The following FANCL variants were observed in gnomAD, a reference collection of about 807,000 sequenced individuals.
FANCL encodes the protein FA complementation group L, also known as E3 ubiquitin-protein ligase FANCL.
Under a neutral mutation model 59.4 loss-of-function variants are expected in FANCL, and 69 were observed. The ratio of observed to expected loss-of-function variants is 1.16; its 90% confidence interval spans 0.96 to 1.42. The LOEUF (loss-of-function observed/expected upper bound fraction) is 1.42. Ranked by LOEUF, FANCL falls within the 40% of genes most tolerant of loss-of-function variation. The pLI, the probability that FANCL is intolerant of heterozygous loss-of-function variation, is 0.00. For synonymous variants in FANCL, 180 were observed against 147.1 expected, an observed-to-expected ratio of 1.22 and a Z score of -1.62; for missense variants, 519 against 447.2, an observed-to-expected ratio of 1.16 and a Z score of -1.45.
At chr2:58,179,127 G>T (rs943689056) in intron 7 of FANCL, among the ~76,000 whole-genome samples, 22 of 152,278 alleles carry the variant, frequency 1.4e-4, no homozygotes, top group South Asian at 4.1e-4. Flanking sequence ...TGGATAGGAA[G>T]AATCAATATC....
At chr2:58,160,235 C>T (rs1684925249) in intron 12 of FANCL, 56 bp from the exon 13 acceptor site, 10 of 1,509,436 alleles carry the variant, frequency 6.6e-6, no homozygotes, top group Middle Eastern at 1.7e-4. Flanking sequence ...ATTACAGATA[C>T]TCCAAATGTC....
intron 4 of FANCL, among the ~76,000 whole-genome samples, chr2:58,225,751 A>G (rs1399338120): frequency 1.3e-5 from 2 of 152,064 alleles, no homozygotes; most frequent in Non-Finnish European, 2.9e-5. Context: ...ATATCTTACA[A>G]GCCAAATCCA....
intron 8 of FANCL, among the ~76,000 whole-genome samples, chr2:58,165,512 T>C (rs776448800): frequency 8.5e-5 from 13 of 152,176 alleles, no homozygotes; most frequent in Non-Finnish European, 1.6e-4. Flanking sequence ...CTCCATTGGA[T>C]CATCACCTTT....
At chr2:58,169,044 T>C (rs1686255363) in intron 7 of FANCL, among the ~76,000 whole-genome samples, 1 of 152,154 alleles carries the variant, frequency 6.6e-6, no homozygotes, top group Admixed American at 6.5e-5. Context: ...TAAATGTTCC[T>C]GCCTGCTGGC....
At chr2:58,222,239 T>C (rs895422428) in intron 4 of FANCL, among the ~76,000 whole-genome samples, 197 bp from the exon 5 acceptor site, 2 of 152,104 alleles carry the variant, frequency 1.3e-5, no homozygotes, top group Admixed American at 6.5e-5. Flanking sequence ...CTGAAGGTCA[T>C]GCAAAATGTC....
chr2:58,217,199 T>C lies in FANCL; in HGVS notation c.374+4743A>G, dbSNP rs1366861135. Among the ~76,000 whole-genome samples, 79 of 9,682 alleles carry C rather than the reference T, an allele frequency of 8.2e-3. 2 individuals are homozygous for C. Among genetic ancestry groups the C allele is most frequent in the Non-Finnish European group, 0.015 (64 of 4,218 alleles). 6.4% of individuals were successfully genotyped at this position (9,682 alleles called of 152,430 possible). On this transcript the variant is annotated intron_variant, in intron 5 of 13. Transcript: ENST00000233741. The stretch of plus-strand genomic sequence containing the variant: ...ATATATATATATATATATATATATA[T>C]ATATATATATATATATACACACACA...
chr2:58,168,086 G>A (rs1686140105), intron 7 of FANCL, among the ~76,000 whole-genome samples: 1 of 152,056 alleles, frequency 6.6e-6, no homozygotes, highest in African/African-American at 2.4e-5. Flanking sequence ...AGTTCAGTAA[G>A]TATTTTGCAG....
chr2:58,198,531 T>C (rs770789775), intron 7 of FANCL, 63 bp downstream of exon 7: 12 of 1,400,128 alleles, frequency 8.6e-6, no homozygotes, highest in African/African-American at 7.1e-5. Flanking sequence ...ATGGATACTC[T>C]GGGACAACTG....
intron 6 of FANCL, among the ~76,000 whole-genome samples, chr2:58,199,081 A>T (rs1426203549): frequency 6.6e-6 from 1 of 151,840 alleles, no homozygotes; most frequent in Non-Finnish European, 1.5e-5. Context: ...ACATATTATT[A>T]TAACTGAAAA....
At chr2:58,202,091 C>T (rs1485102931) in intron 6 of FANCL, among the ~76,000 whole-genome samples, 1 of 149,858 alleles carries the variant, frequency 6.7e-6, no homozygotes, top group Admixed American at 6.7e-5. Flanking sequence ...GGCCCAATTT[C>T]TTTTTTTTTC....
chr2:58,229,804 A>C lies in FANCL; in HGVS notation c.216+10T>G. The C allele has an allele frequency of 6.3e-7, 1 of 1,595,506 alleles. No homozygotes were observed. Among genetic ancestry groups the C allele is most frequent in the Non-Finnish European group, 8.6e-7 (1 of 1,163,312 alleles). ...TCACTGAAAACATAAACCTTTTAAA[A>C]AGGACTTACCTGTTGTACTATTCGA... On this transcript the variant is annotated intron_variant, in intron 3 of 13. Transcript: ENST00000233741.
rs114254283 is a variant in FANCL, at chr2:58,182,420, T to C, written c.540+16174A>G. 6.0e-3 allele frequency among the ~76,000 whole-genome samples: 906 copies of C among 151,938 alleles called. 12 individuals are homozygous for C. Among genetic ancestry groups the C allele is most frequent in the African/African-American group, 0.02 (845 of 41,532 alleles). The stretch of plus-strand genomic sequence containing the variant: ...AAATATTACCAGAGTCACACTTCCA[T>C]ACAATTCACAAAAAGAAAGGCACCC... On this transcript the variant is annotated intron_variant, in intron 7 of 13. Coordinates refer to ENST00000233741, the MANE Select transcript of FANCL (RefSeq NM_018062.4).
At chr2:58,163,782 T>TA (rs1412740570) in intron 8 of FANCL, among the ~76,000 whole-genome samples, 13 of 152,022 alleles carry the variant, frequency 8.6e-5, no homozygotes, top group Non-Finnish European at 1.0e-4. Flanking sequence ...TCAACTGTAT[T>TA]AAAGTTTAAA....
chr2:58,173,254 A>G (rs9678508), intron 7 of FANCL, among the ~76,000 whole-genome samples: 2 of 152,214 alleles, frequency 1.3e-5, no homozygotes, highest in Admixed American at 6.5e-5. Flanking sequence ...CTAGCAAGGC[A>G]GGCCAACATT....
At chr2:58,219,517 G>T (rs1319702992) in intron 5 of FANCL, among the ~76,000 whole-genome samples, 3 of 151,724 alleles carry the variant, frequency 2.0e-5, no homozygotes, top group African/African-American at 7.3e-5. Flanking sequence ...AGTGTGGAGA[G>T]AGAGAAAAAA....
chr2:58,161,489 G>A (rs1685155118), intron 12 of FANCL, 33 bp downstream of exon 12: 1 of 1,336,186 alleles, frequency 7.5e-7, no homozygotes, highest in African/African-American at 1.5e-5. Flanking sequence ...TGTGTTAGCG[G>A]AAAAAAGTCT....
intron 13 of FANCL, 54 bp downstream of exon 13, chr2:58,160,054 C>T: frequency 6.2e-7 from 1 of 1,607,012 alleles, no homozygotes; most frequent in South Asian, 1.1e-5. Flanking sequence ...TCTTCTAGAA[C>T]ATATTACTGA....
At chr2:58,179,716 A>G (rs1310181806) in intron 7 of FANCL, among the ~76,000 whole-genome samples, 1 of 152,166 alleles carries the variant, frequency 6.6e-6, no homozygotes, top group Non-Finnish European at 1.5e-5. Flanking sequence ...AATGGCAACA[A>G]AAACTGACAA....
intron 7 of FANCL, among the ~76,000 whole-genome samples, chr2:58,181,330 A>T (rs534262204): frequency 6.6e-6 from 1 of 152,054 alleles, no homozygotes; most frequent in African/African-American, 2.4e-5. Context: ...TCTGTTTATA[A>T]TATCTGGAAT....
Sources: allele counts gnomAD v4.1 joint callset (sites outside exome capture counted in the v4.1 genomes callset), GRCh38; gene constraint gnomAD v4.1.1; transcripts MANE v1.5; gene names NCBI Gene and HGNC (gene_info 2026-07-23, HGNC 2026-07-21).